Variants in ZNF638 observed in about 807,000 individuals in gnomAD.
ZNF638 encodes CTCL tumor antigen se33-1.
ZNF638 carries 46 observed loss-of-function variants against 195.6 expected under a neutral mutation model. That is an observed-to-expected ratio of 0.24 (90% CI 0.19 to 0.30). The LOEUF (loss-of-function observed/expected upper bound fraction) is 0.30. Ranked by LOEUF, ZNF638 falls within the 10% of genes least tolerant of loss-of-function variation. The pLI is 1.00. For synonymous variants in ZNF638, 845 were observed against 772.0 expected, an observed-to-expected ratio of 1.09 and a Z score of -1.57; for missense variants, 2,440 against 2,325.3, an observed-to-expected ratio of 1.05 and a Z score of -1.01.
intron 21 of ZNF638, among the ~76,000 whole-genome samples, chr2:71,421,109 A>G (rs1023626814): frequency 9.9e-5 from 15 of 152,150 alleles, no homozygotes; most frequent in East Asian, 3.9e-4. Flanking sequence ...CTAAGTTTCT[A>G]AAGTTTTATG....
intron 3 of ZNF638, 126 bp from the exon 4 acceptor site, chr2:71,363,027 A>C (rs1264429566): frequency 6.7e-6 from 5 of 748,880 alleles, no homozygotes; most frequent in Non-Finnish European, 1.2e-5. Context: ...ATTGAATTAA[A>C]CTCTCAAAAT....
Position 71,424,024 on chromosome 2 carries a change from G to A in ZNF638, c.4510G>A (p.Asp1504Asn). 1 of 1,613,646 alleles carries A rather than the reference G, an allele frequency of 6.2e-7. No homozygotes were observed. Among genetic ancestry groups the A allele is most frequent in the Non-Finnish European group, 8.5e-7 (1 of 1,179,704 alleles). ...EARPSIMKRD[D>N]SNNKTLAEQN... is the part of the protein sequence containing the mutation. Reference sequence around the variant, plus strand: ...TAGACCTTCCATCATGAAACGGGATGACAGCAACAATAAGGTGAGGAGGGT... The same window carrying A: ...TAGACCTTCCATCATGAAACGGGATAACAGCAACAATAAGGTGAGGAGGGT... Residue 1504 changes from aspartate to asparagine, a missense_variant, in exon 22 of 28, where the codon GAC becomes AAC. Around this residue, in one of 5 missense-constraint regions of ZNF638, gnomAD observed 1,883 missense variants for 1,739.1 expected, o/e 1.08. Transcript: ENST00000264447.
At chr2:71,432,691 T>TA (rs34166320) in intron 26 of ZNF638, among the ~76,000 whole-genome samples, 22,138 of 152,260 alleles carry the variant, frequency 0.15, 1,797 homozygotes, top group African/African-American at 0.19. Context: ...AATAAAGACT[T>TA]ACGTTTTCTG....
chr2:71,385,253 G>T (rs774813510), intron 10 of ZNF638, among the ~76,000 whole-genome samples: 3 of 152,100 alleles, frequency 2.0e-5, no homozygotes, highest in African/African-American at 7.2e-5. Flanking sequence ...CTAAACACAT[G>T]CTTACCATAT....
At chr2:71,344,987 T>A (rs1046667107) in intron 1 of ZNF638, among the ~76,000 whole-genome samples, 7 of 152,188 alleles carry the variant, frequency 4.6e-5, no homozygotes, top group African/African-American at 1.7e-4. Context: ...TACAGTAGTC[T>A]CCCCTTATCC....
intron 23 of ZNF638, among the ~76,000 whole-genome samples, chr2:71,425,000 A>G (rs1230624341): frequency 2.0e-5 from 3 of 152,156 alleles, no homozygotes; most frequent in Non-Finnish European, 4.4e-5. Context: ...CCAATCTCAT[A>G]TTGACAGGAA....
At chr2:71,357,051 TTTG>T (rs1281491478) in intron 3 of ZNF638, among the ~76,000 whole-genome samples, 4 of 152,286 alleles carry the variant, frequency 2.6e-5, no homozygotes, top group East Asian at 1.9e-4. Context: ...TAGGAGTTTT[TTTG>T]TTGTTGTTTT....
At position 71,387,663 on chromosome 2, in the gene ZNF638, A is replaced by T. The variant is rs1019376; in HGVS notation, c.2377+7098A>T. 7.4e-4 allele frequency among the ~76,000 whole-genome samples: 8 copies of T among 10,784 alleles called. 1 individual carries two copies. The South Asian group carries it at 8.9e-3, about 12-fold the overall frequency. 7.1% of individuals were successfully genotyped at this position (10,784 alleles called of 152,430 possible). On this transcript the variant is annotated intron_variant, in intron 10 of 27. Coordinates refer to ENST00000264447, the MANE Select transcript of ZNF638 (RefSeq NM_014497.5). The stretch of plus-strand genomic sequence containing the variant: ...CTGGGCAACAGAGCAAGACTCTCTC[A>T]AAAAAAAAAAAGTAAAAGTGCTTAT...
At position 71,423,515 on chromosome 2, in the gene ZNF638, A is replaced by T. The variant is rs756958623; in HGVS notation, c.4001A>T (p.Asn1334Ile). 6.2e-7 allele frequency: 1 copy of T among 1,614,112 alleles called. No homozygotes were observed. Among genetic ancestry groups the T allele is most frequent in the Non-Finnish European group, 8.5e-7 (1 of 1,180,028 alleles). Residue 1334 changes from asparagine to isoleucine, a missense_variant, in exon 22 of 28, where the codon AAT (asparagine) becomes ATT (isoleucine). Coordinates refer to ENST00000264447, the MANE Select transcript of ZNF638 (RefSeq NM_014497.5). ...ATAGGAACAGAGAAGGCTGAAAAGA[A>T]TGAAGGTAGGATGGATGCAGAAAAG... ...LQIGTEKAEK[N>I]EGRMDAEKVE...
At chr2:71,396,467 C>G (rs1212849872) in intron 11 of ZNF638, among the ~76,000 whole-genome samples, 1 of 152,108 alleles carries the variant, frequency 6.6e-6, no homozygotes, top group Non-Finnish European at 1.5e-5. Flanking sequence ...TTCTTCCTTA[C>G]TTTTATATAA....
chr2:71,353,173 A>G (rs1415425279), intron 2 of ZNF638, among the ~76,000 whole-genome samples: 2 of 152,252 alleles, frequency 1.3e-5, no homozygotes, highest in African/African-American at 4.8e-5. Context: ...AAATCTGACA[A>G]TATGTATATT....
rs2080555544 is a variant in ZNF638 at position 71,427,124 on chromosome 2, A to T, written c.5255A>T (p.Asp1752Val). Residue 1752 changes from aspartate (D) to valine (V), a missense_variant, in exon 24 of 28, where the codon GAT becomes GTT. By Grantham distance (152) the Asp-to-Val change is radical. This residue lies in a region of ZNF638 where 1,883 missense variants were observed against 1,739.1 expected (regional missense o/e 1.08). Coordinates refer to ENST00000264447, the MANE Select transcript of ZNF638 (RefSeq NM_014497.5). Reference protein sequence around the residue: ...DSSDLHLVTLDEVTEEDEDSL... With the variant: ...DSSDLHLVTLVEVTEEDEDSL... ...AGTGATTTGCATTTAGTGACTTTGG[A>T]TGAAGTAACTGAAGAGGATGAAGAC... 6.2e-7 allele frequency: 1 copy of T among 1,614,040 alleles called. No individual in the cohort carries two copies. The highest frequency in any genetic ancestry group is 8.5e-7 in the Non-Finnish European group (1 of 1,180,026).
intron 2 of ZNF638, among the ~76,000 whole-genome samples, chr2:71,353,086 TC>T (rs1410016000): frequency 6.6e-6 from 1 of 152,204 alleles, no homozygotes; most frequent in Admixed American, 6.5e-5. Flanking sequence ...TCGTAAGTGT[TC>T]CTGTGTGTGT....
intron 1 of ZNF638, among the ~76,000 whole-genome samples, chr2:71,338,964 T>G (rs910836916): frequency 6.6e-6 from 1 of 152,222 alleles, no homozygotes; most frequent in Non-Finnish European, 1.5e-5. Context: ...TTACCCCTTA[T>G]AGATTACCAG....
intron 7 of ZNF638, 101 bp from the exon 8 acceptor site, chr2:71,369,782 T>C: frequency 8.4e-7 from 1 of 1,191,698 alleles, no homozygotes; most frequent in South Asian, 1.7e-5. Flanking sequence ...TGAGGTAGTT[T>C]CATAGTTTGA....
chr2:71,347,311 G>A (rs2078866909), intron 1 of ZNF638, among the ~76,000 whole-genome samples: 1 of 152,202 alleles, frequency 6.6e-6, no homozygotes, highest in Admixed American at 6.5e-5. Flanking sequence ...TTTGAACAGA[G>A]GAGTTGTGTG....
chr2:71,392,907 C>T (rs1346914395), intron 10 of ZNF638, among the ~76,000 whole-genome samples: 2 of 152,132 alleles, frequency 1.3e-5, no homozygotes, highest in Non-Finnish European at 2.9e-5. Flanking sequence ...CCATTGATAC[C>T]AGTTCCTACC....
intron 1 of ZNF638, among the ~76,000 whole-genome samples, chr2:71,334,886 A>G (rs2078638218): frequency 6.6e-6 from 1 of 151,368 alleles, no homozygotes; most frequent in Non-Finnish European, 1.5e-5. Flanking sequence ...GCGCCACTGC[A>G]CTCCAGCCTG....
chr2:71,367,431 ATTTTT>A (rs3077439), intron 6 of ZNF638, among the ~76,000 whole-genome samples: 2 of 112,722 alleles, frequency 1.8e-5, no homozygotes, highest in African/African-American at 6.9e-5. Context: ...GGGTGTTTTA[ATTTTT>A]TTTTTTTTTT....
Sources: gnomAD v4.1 joint callset for allele counts (sites outside exome capture counted in the v4.1 genomes callset) on GRCh38, gnomAD v4.1.1 for gene constraint, gnomAD v4.1.1 regional missense constraint, MANE v1.5 for transcripts, NCBI Gene and HGNC (gene_info 2026-07-23, HGNC 2026-07-21) for gene names.